PLA2G4A: variants seen among roughly 807,000 people sequenced by gnomAD.
The protein encoded by PLA2G4A is cytosolic phospholipase A2.
PLA2G4A carries 40 observed loss-of-function variants against 81.9 expected under a neutral mutation model. The observed-to-expected ratio is 0.49, with a 90% CI of 0.38 to 0.64. PLA2G4A has a LOEUF of 0.64. Among genes scored for constraint, PLA2G4A ranks in the 30% least tolerant of loss-of-function variants. The pLI is 0.00. For synonymous variants in PLA2G4A, 302 were observed against 296.9 expected, an observed-to-expected ratio of 1.02 and a Z score of -0.18; for missense variants, 715 against 905.1, an observed-to-expected ratio of 0.79 and a Z score of 2.69.
intron 14 of PLA2G4A, among the ~76,000 whole-genome samples, chr1:186,962,281 T>G (rs1401909014): frequency 1.3e-5 from 2 of 152,082 alleles, no homozygotes; most frequent in African/African-American, 4.8e-5. Flanking sequence ...AAACATAGTA[T>G]ATGTAGAGAT....
intron 7 of PLA2G4A, among the ~76,000 whole-genome samples, chr1:186,928,453 G>A (rs1158156226): frequency 1.3e-5 from 2 of 152,124 alleles, no homozygotes; most frequent in East Asian, 3.9e-4. Flanking sequence ...TTGCCTCACT[G>A]AGCAGGAGGG....
intron 5 of PLA2G4A, among the ~76,000 whole-genome samples, chr1:186,904,710 C>T (rs1219579144): frequency 6.6e-6 from 1 of 152,190 alleles, no homozygotes; most frequent in Non-Finnish European, 1.5e-5. Flanking sequence ...TCACTCCATC[C>T]AGGATCATGA....
chr1:186,932,336 C>T (rs1316538014), intron 7 of PLA2G4A, among the ~76,000 whole-genome samples: 2 of 147,552 alleles, frequency 1.4e-5, no homozygotes, highest in East Asian at 2.0e-4. Context: ...TGCTCTGTTG[C>T]CCAGGCTGGA....
intron 2 of PLA2G4A, among the ~76,000 whole-genome samples, chr1:186,857,082 C>A (rs565525824): frequency 1.7e-3 from 3 of 1,798 alleles, no homozygotes; most frequent in Admixed American, 0.016. Context: ...ATATATTATA[C>A]ATATATAATA....
At chr1:186,832,673 A>G (rs1651636357) in intron 1 of PLA2G4A, among the ~76,000 whole-genome samples, 1 of 152,152 alleles carries the variant, frequency 6.6e-6, no homozygotes, top group Admixed American at 6.5e-5. Flanking sequence ...GTGGCCACTT[A>G]TATGTCTATG....
rs150438291 is a variant in PLA2G4A, at chr1:186,862,425, T to C, written c.34-8010T>C. The stretch of plus-strand genomic sequence containing the variant: ...GCGATGGTCACCATGTTGGCCAGGC[T>C]GGTCTGAAACTCCTGACCTTAAGTA... On this transcript the variant is annotated intron_variant, in intron 2 of 17. Transcript: ENST00000367466. Among the ~76,000 whole-genome samples the C allele has an allele frequency of 1.7e-3, 252 of 152,194 alleles. 3 individuals are homozygous for C. The highest frequency in any genetic ancestry group is 6.0e-3 in the African/African-American group (248 of 41,532).
At chr1:186,923,928 G>A (rs1231999230) in intron 7 of PLA2G4A, among the ~76,000 whole-genome samples, 1 of 152,144 alleles carries the variant, frequency 6.6e-6, no homozygotes, top group East Asian at 1.9e-4. Flanking sequence ...GAAATAAAAA[G>A]TTAGGAGATG....
At chr1:186,921,282 C>T (rs1381731906) in intron 7 of PLA2G4A, among the ~76,000 whole-genome samples, 10 of 152,004 alleles carry the variant, frequency 6.6e-5, no homozygotes, top group Admixed American at 2.6e-4. Context: ...CCTGGAGCAC[C>T]CTTTGCCTTT....
intron 1 of PLA2G4A, among the ~76,000 whole-genome samples, chr1:186,832,110 G>A (rs1008045933): frequency 1.7e-4 from 26 of 151,992 alleles, no homozygotes; most frequent in Admixed American, 3.9e-4. Flanking sequence ...AGGCTGTACT[G>A]GCCAATTATA....
chr1:186,886,847 G>A (rs570303213), intron 3 of PLA2G4A, among the ~76,000 whole-genome samples: 2 of 152,226 alleles, frequency 1.3e-5, no homozygotes, highest in East Asian at 3.9e-4. Context: ...CCTTCTCAAT[G>A]TCAAAATGTT....
chr1:186,872,073 C>CA (rs1653292824), intron 3 of PLA2G4A, among the ~76,000 whole-genome samples: 1 of 152,036 alleles, frequency 6.6e-6, no homozygotes, highest in Non-Finnish European at 1.5e-5. Flanking sequence ...TTTGGCTGAG[C>CA]AGTGGTTTTC....
chr1:186,832,464 T>C (rs748973475), intron 1 of PLA2G4A, among the ~76,000 whole-genome samples: 6 of 152,174 alleles, frequency 3.9e-5, no homozygotes, highest in Non-Finnish European at 5.9e-5. Context: ...AGTGATTATT[T>C]TTGACATTTT....
chr1:186,874,868 C>G (rs1336643794), intron 3 of PLA2G4A, among the ~76,000 whole-genome samples: 2 of 152,050 alleles, frequency 1.3e-5, no homozygotes, highest in African/African-American at 4.8e-5. Context: ...TTCAAAAAGT[C>G]TGTGCCTGTA....
intron 3 of PLA2G4A, among the ~76,000 whole-genome samples, chr1:186,882,128 AAAT>A (rs1653758139): frequency 6.6e-6 from 1 of 152,156 alleles, no homozygotes; most frequent in African/African-American, 2.4e-5. Context: ...CCTCTGATGG[AAAT>A]AATAATACCT....
At chr1:186,911,129 C>T (rs955495514) in intron 6 of PLA2G4A, 119 bp from the exon 7 acceptor site, 4 of 817,950 alleles carry the variant, frequency 4.9e-6, no homozygotes, top group African/African-American at 3.4e-5. Flanking sequence ...TAGGAAATGG[C>T]TTGAGGGAAG....
intron 6 of PLA2G4A, among the ~76,000 whole-genome samples, chr1:186,909,992 TC>T (rs1361581711): frequency 7.9e-5 from 12 of 152,256 alleles, no homozygotes; most frequent in African/African-American, 2.4e-4. Context: ...ATTTTTCCTT[TC>T]TAGGACTAGA....
chr1:186,864,980 G>T (rs889855474), intron 2 of PLA2G4A, among the ~76,000 whole-genome samples: 3 of 151,138 alleles, frequency 2.0e-5, no homozygotes, highest in African/African-American at 7.3e-5. Context: ...GTGTGTGCTT[G>T]TAATCCAAGC....
intron 1 of PLA2G4A, among the ~76,000 whole-genome samples, chr1:186,845,938 G>GA (rs1170059149): frequency 1.3e-5 from 2 of 152,072 alleles, no homozygotes; most frequent in African/African-American, 2.4e-5. Context: ...AAGAAAGGAA[G>GA]AAAAAAACCC....
At chr1:186,850,839 C>A (rs1652347467) in intron 1 of PLA2G4A, among the ~76,000 whole-genome samples, 1 of 152,020 alleles carries the variant, frequency 6.6e-6, no homozygotes, top group South Asian at 2.1e-4. Context: ...TCCCAAGCAC[C>A]TTGCATAGCA....
Sources: allele counts gnomAD v4.1 joint callset (sites outside exome capture counted in the v4.1 genomes callset), GRCh38; gene constraint gnomAD v4.1.1; transcripts MANE v1.5; gene names NCBI Gene and HGNC (gene_info 2026-07-23, HGNC 2026-07-21).